Variants in MBD5 observed in about 807,000 individuals in gnomAD.
MBD5 encodes methyl-CpG binding domain protein 5.
In MBD5, 13 loss-of-function variants were observed where a neutral mutation model predicts 117.3. The observed-to-expected ratio is 0.11, with a 90% CI of 0.07 to 0.18. The LOEUF is 0.18. Among genes scored for constraint, MBD5 ranks in the 10% least tolerant of loss-of-function variants. MBD5 has a pLI of 1.00. For synonymous variants in MBD5, 727 were observed against 766.4 expected, an observed-to-expected ratio of 0.95 and a Z score of 0.85; for missense variants, 1,879 against 2,093.8, an observed-to-expected ratio of 0.90 and a Z score of 2.00.
At chr2:148,091,201 A>G (rs1271635292) in intron 1 of MBD5, among the ~76,000 whole-genome samples, 11 of 152,198 alleles carry the variant, frequency 7.2e-5, no homozygotes, top group Admixed American at 4.6e-4. Context: ...ACAGATGGGT[A>G]GAATCAATGT....
chr2:148,150,838 T>G (rs566641396), intron 1 of MBD5, among the ~76,000 whole-genome samples: 84 of 152,346 alleles, frequency 5.5e-4, no homozygotes, highest in African/African-American at 1.9e-3. Context: ...AAGGAGATTT[T>G]GGGCTGAGAC....
At position 148,398,990 on chromosome 2, in the gene MBD5, C is replaced by A. The variant is rs1185198880; in HGVS notation, c.-557+56654C>A. On this transcript the variant is annotated intron_variant, in intron 4 of 13. Transcript: ENST00000642680. ...ATATGTGGCATTATTTCTGAGGGCT[C>A]TGTTCTGTTCCATTGGTCTATATCT... Among the ~76,000 whole-genome samples the A allele has an allele frequency of 2.0e-5, 3 of 152,298 alleles. No homozygotes were observed. The East Asian group carries it at 5.8e-4, about 29-fold the overall frequency.
chr2:148,097,140 T>C (rs1696090038), intron 1 of MBD5, among the ~76,000 whole-genome samples: 1 of 152,182 alleles, frequency 6.6e-6, no homozygotes, highest in African/African-American at 2.4e-5. Context: ...TATATGTTTA[T>C]GTTAAGTGAA....
At chr2:148,298,623 A>G (rs943547334) in intron 3 of MBD5, among the ~76,000 whole-genome samples, 5 of 152,124 alleles carry the variant, frequency 3.3e-5, no homozygotes, top group African/African-American at 1.2e-4. Context: ...AGTCTGGGCT[A>G]TTATCTTTTG....
At chr2:148,151,114 C>G (rs1697648894) in intron 1 of MBD5, among the ~76,000 whole-genome samples, 1 of 149,322 alleles carries the variant, frequency 6.7e-6, no homozygotes, top group South Asian at 2.2e-4. Flanking sequence ...GAAATACGTC[C>G]CATCAATACC....
intron 4 of MBD5, among the ~76,000 whole-genome samples, chr2:148,366,306 A>ATTGATAGTTTATTGAT (rs368127203): frequency 5.9e-5 from 9 of 152,096 alleles, no homozygotes; most frequent in African/African-American, 1.7e-4. Context: ...TCAATAAACT[A>ATTGATAGTTTATTGAT]GGTATTGATG....
chr2:148,387,291 T>A lies in MBD5; in HGVS notation c.-557+44955T>A, dbSNP rs76407208. On this transcript the variant is annotated intron_variant, in intron 4 of 13. Coordinates refer to ENST00000642680, the MANE Select transcript of MBD5 (RefSeq NM_001378120.1). The stretch of plus-strand genomic sequence containing the variant: ...AAAATTATTTAGCATATTAACAGAT[T>A]AATAGAGAAAAAAACATGATCATCT... Among the ~76,000 whole-genome samples the A allele has an allele frequency of 8.4e-3, 1,271 of 152,146 alleles. 23 individuals carry two copies. Among genetic ancestry groups the A allele is most frequent in the African/African-American group, 0.03 (1,225 of 41,522 alleles).
chr2:148,076,193 T>C (rs1233267074), intron 1 of MBD5, among the ~76,000 whole-genome samples: 1 of 152,100 alleles, frequency 6.6e-6, no homozygotes, highest in Admixed American at 6.5e-5. Flanking sequence ...GTTGTTGTTG[T>C]TGTTGTTTTC....
chr2:148,027,295 T>A (rs970648159), intron 1 of MBD5: 3 of 152,170 alleles, frequency 2.0e-5, no homozygotes, highest in Admixed American at 6.5e-5. Flanking sequence ...TTGGGTTCTC[T>A]AGGTGCCTAA....
At chr2:148,315,490 G>A (rs1231630625) in intron 3 of MBD5, among the ~76,000 whole-genome samples, 1 of 152,164 alleles carries the variant, frequency 6.6e-6, no homozygotes, top group African/African-American at 2.4e-5. Context: ...AAATTGAAGA[G>A]TCGGGAAGAT....
At chr2:148,286,370 GATC>G (rs1249480429) in intron 3 of MBD5, among the ~76,000 whole-genome samples, 3 of 152,088 alleles carry the variant, frequency 2.0e-5, no homozygotes, top group African/African-American at 7.2e-5. Flanking sequence ...TCAGAGTTAT[GATC>G]ATATTTCTTC....
At chr2:148,440,917 A>G (rs1706300086) in intron 4 of MBD5, among the ~76,000 whole-genome samples, 2 of 152,192 alleles carry the variant, frequency 1.3e-5, no homozygotes, top group Non-Finnish European at 2.9e-5. Flanking sequence ...ATTTCCAAGA[A>G]AGTTTAGTGC....
chr2:148,128,765 T>C (rs952298828), intron 1 of MBD5, among the ~76,000 whole-genome samples: 4 of 152,160 alleles, frequency 2.6e-5, no homozygotes, highest in African/African-American at 4.8e-5. Flanking sequence ...ACTCTTTAAG[T>C]GTCTGAAAAT....
At chr2:148,387,484 C>T (rs1415642434) in intron 4 of MBD5, among the ~76,000 whole-genome samples, 1 of 152,080 alleles carries the variant, frequency 6.6e-6, no homozygotes, top group African/African-American at 2.4e-5. Context: ...ACTTTAAAAT[C>T]AGAGCAATAC....
chr2:148,124,041 G>A (rs887131998), intron 1 of MBD5, among the ~76,000 whole-genome samples: 9 of 152,134 alleles, frequency 5.9e-5, no homozygotes, highest in African/African-American at 2.2e-4. Flanking sequence ...CACTTTGGGT[G>A]GCCAAGGAAG....
chr2:148,308,351 T>C (rs1288034852), intron 3 of MBD5, among the ~76,000 whole-genome samples: 1 of 152,192 alleles, frequency 6.6e-6, no homozygotes, highest in East Asian at 1.9e-4. Flanking sequence ...CATGAGATGG[T>C]ATCTCATTGT....
At chr2:148,199,425 T>C (rs759727815) in intron 2 of MBD5, among the ~76,000 whole-genome samples, 4 of 152,184 alleles carry the variant, frequency 2.6e-5, no homozygotes, top group Non-Finnish European at 4.4e-5. Flanking sequence ...ATTCTTTAAA[T>C]TGTGGCCTTT....
chr2:148,366,513 G>C (rs1297308925), intron 4 of MBD5, among the ~76,000 whole-genome samples: 1 of 152,012 alleles, frequency 6.6e-6, no homozygotes, highest in Non-Finnish European at 1.5e-5. Context: ...AGGGTATTCA[G>C]ATAAGAAAAG....
intron 3 of MBD5, among the ~76,000 whole-genome samples, chr2:148,300,070 T>G (rs1701745424): frequency 1.3e-5 from 2 of 152,182 alleles, no homozygotes; most frequent in Non-Finnish European, 2.9e-5. Context: ...ATTTTTTTTT[T>G]TGAGATGGAG....
Sources: gnomAD v4.1 joint callset for allele counts (sites outside exome capture counted in the v4.1 genomes callset) on GRCh38, gnomAD v4.1.1 for gene constraint, MANE v1.5 for transcripts, NCBI Gene and HGNC (gene_info 2026-07-23, HGNC 2026-07-21) for gene names.